The following SLC24A2 variants were observed in gnomAD, a reference collection of about 807,000 sequenced individuals.
SLC24A2 encodes the protein sodium/potassium/calcium exchanger 2.
In SLC24A2, 36 loss-of-function variants were observed where a neutral mutation model predicts 62.0. The observed-to-expected ratio is 0.58, with a 90% CI of 0.44 to 0.77. The LOEUF (loss-of-function observed/expected upper bound fraction) is 0.77. SLC24A2 is among the 30% of genes least tolerant of loss of function. SLC24A2 has a pLI of 0.00. For synonymous variants in SLC24A2, 358 were observed against 294.0 expected (o/e 1.22, Z -2.23); for missense variants, 846 against 817.9 (o/e 1.03, Z -0.42).
chr9:19,555,008 A>C (rs1222361426), intron 7 of SLC24A2, among the ~76,000 whole-genome samples: 1 of 152,168 alleles, frequency 6.6e-6, no homozygotes, highest in Non-Finnish European at 1.5e-5. Context: ...TATCTTATTA[A>C]TGCAGGTCAG....
the SLC24A2 span, among the ~76,000 whole-genome samples, chr9:20,129,246 A>G: frequency 1.3e-5 from 2 of 152,156 alleles, no homozygotes; most frequent in Non-Finnish European, 2.9e-5. Flanking sequence ...TAAACGAGAT[A>G]CTTCACACCC....
At chr9:20,155,807 C>A in the SLC24A2 span, among the ~76,000 whole-genome samples, 3 of 151,648 alleles carry the variant, frequency 2.0e-5, no homozygotes, top group Non-Finnish European at 3.0e-5. Context: ...AAAATTGTTT[C>A]TGAATAGTAT....
chr9:20,206,487 T>C, the SLC24A2 span, among the ~76,000 whole-genome samples: 1 of 152,188 alleles, frequency 6.6e-6, no homozygotes, highest in Non-Finnish European at 1.5e-5. Context: ...TGGTTTATTA[T>C]TATTATATTA....
chr9:20,160,249 A>T, the SLC24A2 span, among the ~76,000 whole-genome samples: 2 of 151,500 alleles, frequency 1.3e-5, no homozygotes, highest in African/African-American at 4.8e-5. Context: ...TTTAACAGTT[A>T]TAAATACCTG....
chr9:19,685,314 T>A (rs1819848477), intron 2 of SLC24A2, among the ~76,000 whole-genome samples: 1 of 152,196 alleles, frequency 6.6e-6, no homozygotes, highest in South Asian at 2.1e-4. Context: ...AGAATCAATA[T>A]TGTTGAAATG....
the SLC24A2 span, among the ~76,000 whole-genome samples, chr9:20,302,161 T>C: frequency 4.6e-5 from 7 of 152,354 alleles, no homozygotes; most frequent in South Asian, 2.1e-4. Flanking sequence ...TGTTTCCAAG[T>C]TTTTGGCAAT....
chr9:19,726,270 A>G (rs1046492747), intron 2 of SLC24A2, among the ~76,000 whole-genome samples: 1 of 152,174 alleles, frequency 6.6e-6, no homozygotes, highest in Non-Finnish European at 1.5e-5. Context: ...TAACATTCTA[A>G]TTGCCTGGAA....
At chr9:20,076,287 G>C in the SLC24A2 span, among the ~76,000 whole-genome samples, 5 of 152,150 alleles carry the variant, frequency 3.3e-5, no homozygotes, top group East Asian at 1.9e-4. Context: ...TAAAAAACTA[G>C]AGAGAGCTAC....
intron 2 of SLC24A2, among the ~76,000 whole-genome samples, chr9:19,776,626 C>G (rs999840969): frequency 1.3e-5 from 2 of 152,196 alleles, no homozygotes; most frequent in Admixed American, 1.3e-4. Context: ...TTCCATCTGT[C>G]TGGAAGAGCT....
chr9:19,631,420 T>C (rs1818175725), intron 2 of SLC24A2, among the ~76,000 whole-genome samples: 1 of 152,164 alleles, frequency 6.6e-6, no homozygotes, highest in Non-Finnish European at 1.5e-5. Flanking sequence ...AATGCAACAA[T>C]ATCAAACCTC....
At chr9:20,071,450 C>T in the SLC24A2 span, among the ~76,000 whole-genome samples, 3 of 152,104 alleles carry the variant, frequency 2.0e-5, no homozygotes, top group Non-Finnish European at 2.9e-5. Context: ...ACTTTGAGCT[C>T]GGGATGGAGG....
chr9:19,685,603 C>T (rs997478826), intron 2 of SLC24A2, among the ~76,000 whole-genome samples: 3 of 151,804 alleles, frequency 2.0e-5, no homozygotes, highest in African/African-American at 7.3e-5. Flanking sequence ...CAATAGAGAA[C>T]CCAGAAATAA....
the SLC24A2 span, among the ~76,000 whole-genome samples, chr9:20,120,209 T>C: frequency 6.6e-6 from 1 of 152,166 alleles, no homozygotes; most frequent in Non-Finnish European, 1.5e-5. Flanking sequence ...TTTGATTGGG[T>C]AAATGTATCA....
the SLC24A2 span, among the ~76,000 whole-genome samples, chr9:20,166,806 G>T: frequency 5.9e-5 from 9 of 152,044 alleles, no homozygotes; most frequent in Non-Finnish European, 1.2e-4. Flanking sequence ...AGTAAGGATG[G>T]CAGTAGAAAA....
chr9:20,029,356 C>T, the SLC24A2 span, among the ~76,000 whole-genome samples: 1 of 152,182 alleles, frequency 6.6e-6, no homozygotes, highest in Non-Finnish European at 1.5e-5. Context: ...AATAATGACA[C>T]CTAATGTTTT....
At chr9:19,804,842 A>G in the SLC24A2 span, among the ~76,000 whole-genome samples, 1 of 152,234 alleles carries the variant, frequency 6.6e-6, no homozygotes, top group South Asian at 2.1e-4. Context: ...TTTAATCATA[A>G]AATCATGTTA....
chr9:19,901,185 G>C, the SLC24A2 span, among the ~76,000 whole-genome samples: 1 of 152,124 alleles, frequency 6.6e-6, no homozygotes, highest in African/African-American at 2.4e-5. Flanking sequence ...CAGGCATGGT[G>C]GCAAATACTC....
the SLC24A2 span, among the ~76,000 whole-genome samples, chr9:20,162,082 A>G: frequency 2.2e-4 from 33 of 151,844 alleles, no homozygotes; most frequent in African/African-American, 7.9e-4. Context: ...AAGATATAAA[A>G]TTAACCTATA....
intron 2 of SLC24A2, among the ~76,000 whole-genome samples, chr9:19,634,082 A>AT (rs1284301916): frequency 6.6e-6 from 1 of 151,702 alleles, no homozygotes; most frequent in Non-Finnish European, 1.5e-5. Context: ...GTCATGGTCT[A>AT]TTTTTTGCCT....
Sources: allele counts gnomAD v4.1 joint callset (sites outside exome capture counted in the v4.1 genomes callset), GRCh38; gene constraint gnomAD v4.1.1; transcripts MANE v1.5; gene names NCBI Gene and HGNC (gene_info 2026-07-23, HGNC 2026-07-21).